The following SAMD12 variants were observed in gnomAD, a reference collection of about 807,000 sequenced individuals.
SAMD12 encodes the protein sterile alpha motif domain-containing protein 12.
Under a neutral mutation model 15.0 loss-of-function variants are expected in SAMD12, and 9 were observed. That is an observed-to-expected ratio of 0.60 (90% CI 0.36 to 1.05). The LOEUF is 1.05. Ranked by LOEUF, SAMD12 falls within the 50% of genes least tolerant of loss-of-function variation. The pLI, the probability that SAMD12 is intolerant of heterozygous loss-of-function variation, is 0.01. For synonymous variants in SAMD12, 86 were observed against 90.1 expected (o/e 0.96, Z 0.25); for missense variants, 230 against 234.2 (o/e 0.98, Z 0.12).
At chr8:118,404,158 A>G (rs888569390) in intron 3 of SAMD12, among the ~76,000 whole-genome samples, 3 of 151,986 alleles carry the variant, frequency 2.0e-5, no homozygotes, top group Admixed American at 2.0e-4. Flanking sequence ...AAGTTTTAAA[A>G]CTTTTTGTAG....
chr8:118,371,121 T>TG (rs1274627396), intron 4 of SAMD12, among the ~76,000 whole-genome samples: 1 of 152,146 alleles, frequency 6.6e-6, no homozygotes, highest in Non-Finnish European at 1.5e-5. Context: ...ATTTTTATAA[T>TG]GAAGATATCT....
intron 4 of SAMD12, among the ~76,000 whole-genome samples, chr8:118,209,596 G>T (rs1819961411): frequency 6.6e-6 from 1 of 152,150 alleles, no homozygotes; most frequent in African/African-American, 2.4e-5. Context: ...TTAATTGCTT[G>T]AACTGGCTGG....
At chr8:118,550,201 A>C (rs1233635495) in intron 2 of SAMD12, among the ~76,000 whole-genome samples, 1 of 152,202 alleles carries the variant, frequency 6.6e-6, no homozygotes. Flanking sequence ...CTCCTTGAGA[A>C]GAGCAACTCC....
chr8:118,266,846 T>A (rs1208675247), intron 4 of SAMD12, among the ~76,000 whole-genome samples: 3 of 151,510 alleles, frequency 2.0e-5, no homozygotes, highest in Non-Finnish European at 4.4e-5. Flanking sequence ...GGTGGAGGGG[T>A]TGAGGAGATA....
At chr8:118,438,544 T>TC (rs1338128850) in intron 3 of SAMD12, among the ~76,000 whole-genome samples, 1 of 152,000 alleles carries the variant, frequency 6.6e-6, no homozygotes, top group Non-Finnish European at 1.5e-5. Context: ...CACACCCACA[T>TC]CCCTTTGGCA....
intron 3 of SAMD12, among the ~76,000 whole-genome samples, chr8:118,427,472 C>T (rs1822266986): frequency 6.6e-6 from 1 of 152,162 alleles, no homozygotes; most frequent in South Asian, 2.1e-4. Flanking sequence ...ACCCCCTACT[C>T]CAGGCAACCA....
chr8:118,415,574 T>C (rs2130826395), intron 3 of SAMD12, among the ~76,000 whole-genome samples: 1 of 151,876 alleles, frequency 6.6e-6, no homozygotes, highest in South Asian at 2.1e-4. Flanking sequence ...GTGTAATTAA[T>C]TGAAAAAGAT....
At chr8:118,385,653 T>C (rs1420822412) in intron 3 of SAMD12, among the ~76,000 whole-genome samples, 1 of 152,170 alleles carries the variant, frequency 6.6e-6, no homozygotes, top group Non-Finnish European at 1.5e-5. Context: ...TGGGGGTGTC[T>C]CTCCTGTCAG....
chr8:118,589,313 G>A (rs550267971), intron 1 of SAMD12, among the ~76,000 whole-genome samples: 10 of 152,268 alleles, frequency 6.6e-5, no homozygotes, highest in South Asian at 2.1e-4. Context: ...ACATGCAGCA[G>A]TGTAAGGACA....
At chr8:118,180,764 GT>G in the SAMD12 span, among the ~76,000 whole-genome samples, 1 of 152,094 alleles carries the variant, frequency 6.6e-6, no homozygotes, top group Non-Finnish European at 1.5e-5. Context: ...GTTTCGTCAA[GT>G]TGCCCAGACT....
At chr8:118,481,766 A>G (rs914631181) in intron 2 of SAMD12, among the ~76,000 whole-genome samples, 1 of 152,164 alleles carries the variant, frequency 6.6e-6, no homozygotes, top group African/African-American at 2.4e-5. Flanking sequence ...GGGCACAAAA[A>G]AGAGTTCCAT....
At chr8:118,592,263 G>A (rs1162126385) in intron 1 of SAMD12, among the ~76,000 whole-genome samples, 4 of 152,110 alleles carry the variant, frequency 2.6e-5, no homozygotes, top group African/African-American at 9.7e-5. Flanking sequence ...AGAGGTTGTG[G>A]TGAGCCGAGA....
the SAMD12 span, among the ~76,000 whole-genome samples, chr8:118,139,826 G>A: frequency 6.6e-6 from 1 of 152,114 alleles, no homozygotes; most frequent in East Asian, 1.9e-4. Context: ...TTTTCCGTTG[G>A]CTCTCATTCA....
intron 4 of SAMD12, among the ~76,000 whole-genome samples, chr8:118,296,543 G>A (rs961672341): frequency 6.6e-6 from 1 of 152,198 alleles, no homozygotes; most frequent in African/African-American, 2.4e-5. Context: ...GGCACAGCCT[G>A]CATGTGTTAC....
In SAMD12 at chr8:118,468,039, C is replaced by T. The variant is rs184606916; in HGVS notation, c.193-28078G>A. ...CTCTTTTTCCTTCAGTAATCTCATT[C>T]GTGCAAACCACAAATCTTACTTTGT... On this transcript the variant is annotated intron_variant, in intron 2 of 3. Transcript: ENST00000314727. 9.4e-4 allele frequency among the ~76,000 whole-genome samples: 143 copies of T among 152,272 alleles called. 2 individuals carry two copies. Among genetic ancestry groups the T allele is most frequent in the African/African-American group, 3.2e-3 (132 of 41,546 alleles).
chr8:118,556,431 A>G (rs942701427), intron 2 of SAMD12, among the ~76,000 whole-genome samples: 3 of 152,318 alleles, frequency 2.0e-5, no homozygotes, highest in Middle Eastern at 3.4e-3. Flanking sequence ...TATATCACTT[A>G]TGAATCACAA....
chr8:118,182,755 G>A, the SAMD12 span, among the ~76,000 whole-genome samples: 1 of 152,070 alleles, frequency 6.6e-6, no homozygotes, highest in African/African-American at 2.4e-5. Flanking sequence ...AACAAAAAAG[G>A]GTGTTTAAAA....
chr8:118,282,416 T>C (rs1175882498), intron 4 of SAMD12: 1 of 453,032 alleles, frequency 2.2e-6, no homozygotes, highest in African/African-American at 2.0e-5. Flanking sequence ...CTATTCCTTC[T>C]GCAGTCCAAA....
intron 2 of SAMD12, among the ~76,000 whole-genome samples, chr8:118,492,702 A>G (rs1472393038): frequency 6.6e-6 from 1 of 152,206 alleles, no homozygotes; most frequent in Non-Finnish European, 1.5e-5. Flanking sequence ...ACCTAACAAA[A>G]GCATGTAAAA....
Sources: gnomAD v4.1 joint callset for allele counts (sites outside exome capture counted in the v4.1 genomes callset) on GRCh38, gnomAD v4.1.1 for gene constraint, MANE v1.5 for transcripts, NCBI Gene and HGNC (gene_info 2026-07-23, HGNC 2026-07-21) for gene names.